Variants in SEM1 observed in about 807,000 individuals in gnomAD.
SEM1 encodes the protein SEM1 26S proteasome subunit, also known as 26S proteasome complex subunit SEM1.
A neutral mutation model predicts 12.7 loss-of-function variants in SEM1; 3 were observed. The ratio of observed to expected loss-of-function variants is 0.24; its 90% CI spans 0.11 to 0.61. The LOEUF (loss-of-function observed/expected upper bound fraction) is 0.61. Ranked by LOEUF, SEM1 falls within the 20% of genes least tolerant of loss-of-function variation. SEM1 has a pLI of 0.88. For synonymous variants in SEM1, 30 were observed against 27.8 expected (o/e 1.08, Z -0.25); for missense variants, 59 against 81.3 (o/e 0.73, Z 1.06).
chr7:96,495,990 G>A (rs747683542), intron 1 of SEM1, among the ~76,000 whole-genome samples: 4 of 152,076 alleles, frequency 2.6e-5, no homozygotes, highest in Non-Finnish European at 4.4e-5. Context: ...TAGGAAAACA[G>A]CCGCAGGCCT....
At chr7:96,504,555 C>T (rs561791224) in intron 3 of SEM1, among the ~76,000 whole-genome samples, 3 of 152,122 alleles carry the variant, frequency 2.0e-5, no homozygotes, top group South Asian at 2.1e-4. Context: ...GTATGACATA[C>T]GTTCTTTCCT....
intron 2 of SEM1, among the ~76,000 whole-genome samples, chr7:96,660,002 G>A (rs1401587307): frequency 6.8e-6 from 1 of 148,006 alleles, no homozygotes; most frequent in African/African-American, 2.5e-5. Context: ...TAAAAAATAA[G>A]AGTTTCAGAT....
At chr7:96,584,272 C>A (rs886472403) in intron 2 of SEM1, among the ~76,000 whole-genome samples, 4 of 152,150 alleles carry the variant, frequency 2.6e-5, no homozygotes, top group African/African-American at 7.2e-5. Context: ...AAATTCTTTT[C>A]TTTAAGAATG....
intron 2 of SEM1, among the ~76,000 whole-genome samples, chr7:96,572,224 A>G (rs1337625521): frequency 6.6e-6 from 1 of 152,114 alleles, no homozygotes; most frequent in African/African-American, 2.4e-5. Context: ...AATCTTTTCA[A>G]AAAACCAGCT....
chr7:96,597,907 A>G (rs544792661), intron 2 of SEM1, among the ~76,000 whole-genome samples: 1 of 152,260 alleles, frequency 6.6e-6, no homozygotes, highest in African/African-American at 2.4e-5. Context: ...ACATATATAT[A>G]GTTCTCACCT....
chr7:96,566,623 C>A (rs1455112470), intron 2 of SEM1, among the ~76,000 whole-genome samples: 2 of 151,444 alleles, frequency 1.3e-5, no homozygotes, highest in Non-Finnish European at 3.0e-5. Context: ...TATTCTATTG[C>A]TATGCAGACA....
chr7:96,690,925 C>A (rs1789912861), intron 2 of SEM1, among the ~76,000 whole-genome samples: 1 of 152,120 alleles, frequency 6.6e-6, no homozygotes, highest in African/African-American at 2.4e-5. Context: ...CGCCCGCCAC[C>A]AGGCCCAGCT....
chr7:96,514,383 T>C (rs995671287), intron 2 of SEM1, among the ~76,000 whole-genome samples: 21 of 152,064 alleles, frequency 1.4e-4, no homozygotes, highest in African/African-American at 4.3e-4. Context: ...CAGCTGCAAC[T>C]ACATTTTCAA....
downstream of SEM1, among the ~76,000 whole-genome samples, chr7:96,619,341 T>G (rs1041163867): frequency 3.3e-5 from 5 of 152,330 alleles, no homozygotes; most frequent in African/African-American, 1.2e-4. Context: ...GTGATTTTTG[T>G]ATAACTTCTT....
At chr7:96,707,005 A>G (rs1790487885) in intron 1 of SEM1, among the ~76,000 whole-genome samples, 3 of 152,262 alleles carry the variant, frequency 2.0e-5, no homozygotes, top group Admixed American at 2.0e-4. Context: ...TAATACTTGA[A>G]GTGAAAACTC....
At chr7:96,508,537 T>C (rs1306854414) in intron 2 of SEM1, among the ~76,000 whole-genome samples, 2 of 152,164 alleles carry the variant, frequency 1.3e-5, no homozygotes, top group Non-Finnish European at 2.9e-5. Context: ...CTGGGCCTTA[T>C]GTATTAAATC....
At chr7:96,633,272 T>C (rs1205157200) in intron 2 of SEM1, among the ~76,000 whole-genome samples, 1 of 152,038 alleles carries the variant, frequency 6.6e-6, no homozygotes, top group African/African-American at 2.4e-5. Context: ...AGGGAGAAAA[T>C]ATGATGGTTC....
At chr7:96,525,695 C>T (rs1239541570) in intron 2 of SEM1, among the ~76,000 whole-genome samples, 4 of 152,132 alleles carry the variant, frequency 2.6e-5, no homozygotes, top group Admixed American at 2.0e-4. Context: ...TGGAATTGGG[C>T]TGCATAACAG....
In SEM1 at chr7:96,517,839, G is replaced by C. The variant is rs1215074754; in HGVS notation, c.171-11141C>G. Among the ~76,000 whole-genome samples, 3 of 151,998 alleles carry C rather than the reference G, an allele frequency of 2.0e-5. No individual in the cohort carries two copies. In the East Asian group the frequency reaches 5.8e-4, roughly 29 times the overall value. On this transcript the variant is annotated intron_variant and NMD_transcript_variant, in intron 2 of 3. Coordinates refer to the SEM1 transcript ENST00000466986. The stretch of plus-strand genomic sequence containing the variant: ...TAAGACTACTGTTTTTCAGTCTCTA[G>C]TATATTTGACAGTAGTCAAATCTGC...
At chr7:96,681,547 G>A (rs111304550) in intron 2 of SEM1, among the ~76,000 whole-genome samples, 6 of 152,226 alleles carry the variant, frequency 3.9e-5, no homozygotes, top group African/African-American at 1.4e-4. Context: ...AATCCATCTT[G>A]AGTTAATTTT....
intron 2 of SEM1, among the ~76,000 whole-genome samples, chr7:96,613,155 T>C (rs28404429): frequency 0.024 from 3,727 of 152,322 alleles, 131 homozygotes; most frequent in African/African-American, 0.085. Context: ...TCTGATTCTA[T>C]GGAGATATTT....
chr7:96,696,771 A>G (rs1282791421), intron 1 of SEM1: 1 of 151,996 alleles, frequency 6.6e-6, no homozygotes, highest in Admixed American at 6.6e-5. Flanking sequence ...ACATGTTACA[A>G]TATATGTAAG....
intron 2 of SEM1, among the ~76,000 whole-genome samples, chr7:96,663,840 G>A (rs533220331): frequency 2.0e-5 from 3 of 152,176 alleles, no homozygotes; most frequent in Non-Finnish European, 4.4e-5. Flanking sequence ...ATTAAAAACA[G>A]GCAAAAGACA....
intron 2 of SEM1, among the ~76,000 whole-genome samples, chr7:96,513,564 C>A (rs916985110): frequency 3.9e-5 from 6 of 152,018 alleles, no homozygotes; most frequent in Non-Finnish European, 7.4e-5. Context: ...TGCAGTGGCT[C>A]ACACCTGTAA....
Sources: allele counts gnomAD v4.1 joint callset (sites outside exome capture counted in the v4.1 genomes callset), GRCh38; gene constraint gnomAD v4.1.1; transcripts MANE v1.5; gene names NCBI Gene and HGNC (gene_info 2026-07-23, HGNC 2026-07-21).